PLEKHH2: variants seen among roughly 807,000 people sequenced by gnomAD.
PLEKHH2 encodes the protein pleckstrin homology, MyTH4 and FERM domain containing H2, also known as pleckstrin homology domain-containing family H member 2.
Under a neutral mutation model 187.9 loss-of-function variants are expected in PLEKHH2, and 129 were observed. The observed-to-expected ratio is 0.69, with a 90% CI of 0.59 to 0.79. PLEKHH2 has a LOEUF of 0.79. PLEKHH2 is among the 30% of genes least tolerant of loss of function. The pLI, the probability that PLEKHH2 is intolerant of heterozygous loss-of-function variation, is 0.00. For synonymous variants in PLEKHH2, 686 were observed against 605.6 expected, an observed-to-expected ratio of 1.13 and a Z score of -1.95; for missense variants, 2,076 against 1,751.2, an observed-to-expected ratio of 1.19 and a Z score of -3.31.
intron 27 of PLEKHH2, among the ~76,000 whole-genome samples, 159 bp downstream of exon 27, chr2:43,759,188 G>C (rs1186292254): frequency 6.6e-6 from 1 of 152,210 alleles, no homozygotes; most frequent in Admixed American, 6.5e-5. Flanking sequence ...GGGCAGAAAA[G>C]CTTCTCTATC....
rs756926163 is a variant in PLEKHH2 at position 43,675,960 on chromosome 2, C to G, written c.124-2903C>G. ...TTTCAAAGACGTATTTGTAAGCGGT[C>G]CTCATCTGTACCCACCTGTCATTAC... On this transcript the variant is annotated intron_variant, in intron 2 of 29. Transcript: ENST00000282406. The G allele has an allele frequency of 8.7e-6, 14 of 1,613,838 alleles. No individual in the cohort carries two copies. In the Admixed American group the frequency reaches 1.2e-4, roughly 13 times the overall value.
At chr2:43,748,624 A>T (rs76357574) in intron 24 of PLEKHH2, among the ~76,000 whole-genome samples, 2,978 of 152,316 alleles carry the variant, frequency 0.02, 102 homozygotes, top group African/African-American at 0.068. Context: ...TAATTCTTAC[A>T]CGTGCTGGGT....
At chr2:43,707,600 T>G in intron 11 of PLEKHH2, 55 bp downstream of exon 11, 2 of 1,590,250 alleles carry the variant, frequency 1.3e-6, no homozygotes, top group Non-Finnish European at 1.7e-6. Flanking sequence ...GAATATTAAT[T>G]GGGAATTTTA....
At position 43,678,505 on chromosome 2, in the gene PLEKHH2, G is replaced by A. The variant is rs547852998; in HGVS notation, c.124-358G>A. 5.5e-3 allele frequency among the ~76,000 whole-genome samples: 842 copies of A among 152,314 alleles called. 2 individuals carry two copies. Among genetic ancestry groups the A allele is most frequent in the Non-Finnish European group, 9.7e-3 (657 of 68,032 alleles). On this transcript the variant is annotated intron_variant, in intron 2 of 29. Coordinates refer to ENST00000282406, the MANE Select transcript of PLEKHH2 (RefSeq NM_172069.4). The stretch of plus-strand genomic sequence containing the variant: ...CGCAGATCACTCGCGGTTAGGAGCT[G>A]GAGACCAGCCCGGCCAACACAGCGA...
rs1669311244 is a variant in PLEKHH2 at position 43,700,538 on chromosome 2, A to G, written c.1580A>G (p.His527Arg). 6.2e-7 allele frequency: 1 copy of G among 1,613,820 alleles called. No homozygotes were observed. Among genetic ancestry groups the G allele is most frequent in the Non-Finnish European group, 8.5e-7 (1 of 1,179,940 alleles). ...LDSPNSDDQE[H>R]CDSAKKVAYS... ...TCTCCAAATTCAGATGACCAGGAACACTGTGACTCAGCAAAGAAGGTGGCA... is the reference window on the plus strand; with the variant it reads ...TCTCCAAATTCAGATGACCAGGAACGCTGTGACTCAGCAAAGAAGGTGGCA... Residue 527 changes from histidine (H) to arginine (R), a missense_variant, in exon 8 of 30, where the codon CAC becomes CGC. Physicochemically the swap from His to Arg is conservative, Grantham distance 29 (BLOSUM62 0). Transcript: ENST00000282406.
chr2:43,685,571 G>T (rs999963180), intron 3 of PLEKHH2, among the ~76,000 whole-genome samples: 3 of 151,262 alleles, frequency 2.0e-5, no homozygotes, highest in Non-Finnish European at 4.4e-5. Flanking sequence ...AGGGCTGCAG[G>T]CATGTGCCAC....
At chr2:43,690,785 A>G (rs1462347739) in intron 3 of PLEKHH2, among the ~76,000 whole-genome samples, 1 of 152,228 alleles carries the variant, frequency 6.6e-6, no homozygotes, top group African/African-American at 2.4e-5. Flanking sequence ...TTAACATCTC[A>G]AACATCTCTT....
chr2:43,680,213 C>CA (rs1668098053), intron 3 of PLEKHH2, among the ~76,000 whole-genome samples: 1 of 152,078 alleles, frequency 6.6e-6, no homozygotes, highest in Non-Finnish European at 1.5e-5. Context: ...TAATTTATTG[C>CA]ATATTTACAA....
At chr2:43,717,988 G>A (rs982682294) in intron 15 of PLEKHH2, among the ~76,000 whole-genome samples, 10 of 152,220 alleles carry the variant, frequency 6.6e-5, no homozygotes, top group Non-Finnish European at 1.0e-4. Context: ...AATGCTACAG[G>A]GATGGGCTTA....
At chr2:43,748,660 C>G (rs1222419701) in intron 24 of PLEKHH2, among the ~76,000 whole-genome samples, 1 of 152,234 alleles carries the variant, frequency 6.6e-6, no homozygotes, top group African/African-American at 2.4e-5. Flanking sequence ...CCTAACGGTC[C>G]TCATTGCTGC....
intron 15 of PLEKHH2, among the ~76,000 whole-genome samples, chr2:43,712,707 C>G (rs1670026552): frequency 6.6e-6 from 1 of 151,812 alleles, no homozygotes; most frequent in African/African-American, 2.4e-5. Context: ...ACGTTTTTTT[C>G]TAATCAGTAA....
chr2:43,742,538 G>A (rs1305535546), intron 21 of PLEKHH2, among the ~76,000 whole-genome samples: 1 of 152,106 alleles, frequency 6.6e-6, no homozygotes, highest in African/African-American at 2.4e-5. Context: ...TTGTGGGGAG[G>A]TTTGAGTGAG....
Position 43,710,301 on chromosome 2 carries a change from G to A in PLEKHH2, c.2185G>A (p.Gly729Ser), listed in dbSNP as rs1572599562. 1 of 1,614,012 alleles carries A rather than the reference G, an allele frequency of 6.2e-7. No individual in the cohort carries two copies. The highest frequency in any genetic ancestry group is 1.7e-5 in the Admixed American group (1 of 60,022). The part of the protein sequence containing the change: ...SWKRRWFVLK[G>S]GELLYYKSPS... ...GAAGCGGCGGTGGTTTGTTCTTAAA[G>A]GTGGTGAATTACTTTACTACAAATC... The change falls in exon 13 of 30, where the codon GGT (glycine) becomes AGT (serine). Residue 729 changes from glycine (G) to serine (S), a missense_variant. By Grantham distance (56) the Gly-to-Ser change is moderately conservative. Coordinates refer to ENST00000282406, the MANE Select transcript of PLEKHH2 (RefSeq NM_172069.4).
rs777558958 is a variant in PLEKHH2, at chr2:43,757,211, A to G, written c.3888A>G (p.Ile1296Met). The G allele has an allele frequency of 1.2e-6, 2 of 1,603,430 alleles. No individual in the cohort carries two copies. Among genetic ancestry groups the G allele is most frequent in the East Asian group, 2.3e-5 (1 of 44,116 alleles). ...CKVNQTLKQV[I>M]EKFYPKRYRD... ...TGAATCAAACTCTAAAGCAAGTCATAGAGAAATTTTATCCTAAAAGGTATA... is the reference window on the plus strand; with the variant it reads ...TGAATCAAACTCTAAAGCAAGTCATGGAGAAATTTTATCCTAAAAGGTATA... The change falls in exon 26 of 30, where the codon ATA (isoleucine) becomes ATG (methionine). Residue 1296 changes from isoleucine (I) to methionine (M), a missense_variant. By Grantham distance (10) the Ile-to-Met change is conservative. Transcript: ENST00000282406.
rs771977679 is a variant in PLEKHH2, at chr2:43,731,563, T to A, written c.2904T>A (p.Pro968=). The A allele has an allele frequency of 6.2e-7, 1 of 1,601,936 alleles. No individual in the cohort carries two copies. Among genetic ancestry groups the A allele is most frequent in the Non-Finnish European group, 8.5e-7 (1 of 1,169,662 alleles). Residue 968 remains proline (P), a synonymous_variant, in exon 19 of 30, where the codon CCT becomes CCA. Transcript: ENST00000282406. ...EGIISPLTTL[P]SEALQTEAIK... Reference sequence around the variant, plus strand: ...TCATTTCCCCTCTGACAACTCTACCTTCCGAAGCCCTGCAGACAGAAGCTA... The same window carrying A: ...TCATTTCCCCTCTGACAACTCTACCATCCGAAGCCCTGCAGACAGAAGCTA...
intron 2 of PLEKHH2, among the ~76,000 whole-genome samples, chr2:43,669,831 C>G (rs938972082): frequency 6.6e-6 from 1 of 151,948 alleles, no homozygotes; most frequent in African/African-American, 2.4e-5. Flanking sequence ...CTCAGCCTCC[C>G]AGAAACTTTT....
chr2:43,700,758 T>G (rs1158854585), intron 8 of PLEKHH2, 150 bp downstream of exon 8: 1 of 1,045,854 alleles, frequency 9.6e-7, no homozygotes, highest in Non-Finnish European at 1.4e-6. Context: ...GTTCAAGTGA[T>G]TCTCCTGCCT....
rs10165660 is a variant in PLEKHH2, at chr2:43,766,309, G to C, written c.*711G>C. On this transcript the variant is annotated 3_prime_UTR_variant, in exon 30 of 30. Transcript: ENST00000282406. Reference sequence around the variant, plus strand: ...TGGCTGTCAGTGCTGCCCAGATTCAGAAGAATATTGCCCACATTTCACTGT... The same window carrying C: ...TGGCTGTCAGTGCTGCCCAGATTCACAAGAATATTGCCCACATTTCACTGT... The C allele has an allele frequency of 0.43, 65,518 of 152,642 alleles. 17,114 individuals are homozygous for C. The highest frequency in any genetic ancestry group is 0.74 in the African/African-American group (30,672 of 41,490). 9.5% of individuals were successfully genotyped at this position (152,642 alleles called of 1,614,324 possible). A position where few individuals can be genotyped will look rare whatever the true frequency, so the allele number is the denominator to read the frequency against.
chr2:43,650,789 TCA>T (rs1666430990), intron 2 of PLEKHH2, among the ~76,000 whole-genome samples: 1 of 151,100 alleles, frequency 6.6e-6, no homozygotes. Context: ...GGGACTACAG[TCA>T]TGCATCACCA....
Sources: allele counts gnomAD v4.1 joint callset (sites outside exome capture counted in the v4.1 genomes callset), GRCh38; gene constraint gnomAD v4.1.1; transcripts MANE v1.5; gene names NCBI Gene and HGNC (gene_info 2026-07-23, HGNC 2026-07-21).